The following CSMD1 variants were observed in gnomAD, a reference collection of about 807,000 sequenced individuals.
CSMD1 encodes the protein CUB and sushi domain-containing protein 1.
CSMD1 carries 213 observed loss-of-function variants against 417.5 expected under a neutral mutation model. The observed-to-expected ratio is 0.51, with a 90% CI of 0.46 to 0.57. The LOEUF is 0.57. Ranked by LOEUF, CSMD1 falls within the 20% of genes least tolerant of loss-of-function variation. The probability of loss-of-function intolerance (pLI) is 0.00; values close to 1 mark genes in which losing one functional copy is unlikely to be tolerated. For synonymous variants in CSMD1, 2,862 were observed against 1,736.8 expected (o/e 1.65, Z -16.11); for missense variants, 6,923 against 4,529.7 (o/e 1.53, Z -15.17).
intron 3 of CSMD1, among the ~76,000 whole-genome samples, chr8:4,407,097 G>C (rs1036954165): frequency 6.6e-6 from 1 of 152,138 alleles, no homozygotes; most frequent in African/African-American, 2.4e-5. Flanking sequence ...CTTTCATACT[G>C]TAGCAGCAGA....
intron 12 of CSMD1, among the ~76,000 whole-genome samples, chr8:3,458,168 G>A (rs1334173638): frequency 6.6e-6 from 1 of 152,146 alleles, no homozygotes; most frequent in Non-Finnish European, 1.5e-5. Context: ...TGTAATCTGT[G>A]AGGATACATG....
intron 5 of CSMD1, among the ~76,000 whole-genome samples, chr8:3,853,018 A>G (rs1166551785): frequency 6.6e-6 from 1 of 152,138 alleles, no homozygotes; most frequent in Non-Finnish European, 1.5e-5. Flanking sequence ...CGTCCCCAAC[A>G]TCCAACTACA....
chr8:4,408,335 T>C (rs1272016195), intron 3 of CSMD1, among the ~76,000 whole-genome samples: 1 of 152,090 alleles, frequency 6.6e-6, no homozygotes, highest in African/African-American at 2.4e-5. Flanking sequence ...TAAAACAAAC[T>C]GGGAAGCTGT....
intron 3 of CSMD1, among the ~76,000 whole-genome samples, chr8:4,391,294 C>G (rs1484324136): frequency 3.3e-5 from 5 of 152,212 alleles, no homozygotes; most frequent in African/African-American, 7.2e-5. Flanking sequence ...TAACTCTACC[C>G]TTTCTTCTCT....
At chr8:4,799,941 C>A (rs1390898589) in intron 1 of CSMD1, among the ~76,000 whole-genome samples, 1 of 152,026 alleles carries the variant, frequency 6.6e-6, no homozygotes, top group Non-Finnish European at 1.5e-5. Context: ...GATGCATGTA[C>A]CCTCGAACAT....
chr8:4,440,841 C>G (rs1798426311), intron 2 of CSMD1, among the ~76,000 whole-genome samples: 1 of 151,632 alleles, frequency 6.6e-6, no homozygotes, highest in African/African-American at 2.4e-5. Flanking sequence ...ACTGAAAATA[C>G]AAAAACTTAG....
intron 7 of CSMD1, among the ~76,000 whole-genome samples, chr8:3,647,520 G>C (rs569863016): frequency 2.0e-5 from 3 of 152,214 alleles, no homozygotes; most frequent in South Asian, 2.1e-4. Context: ...GAGAAATATA[G>C]CATAAAGAGA....
intron 1 of CSMD1, among the ~76,000 whole-genome samples, chr8:4,791,083 T>G (rs1055578649): frequency 2.0e-5 from 3 of 147,378 alleles, no homozygotes; most frequent in Admixed American, 6.6e-5. Context: ...AGAGAGACGG[T>G]GAGAGAGACG....
chr8:3,671,008 T>TGG (rs1563256011), intron 7 of CSMD1, among the ~76,000 whole-genome samples: 1 of 42,806 alleles, frequency 2.3e-5, no homozygotes, highest in Non-Finnish European at 4.5e-5. Context: ...ATGTATGGGA[T>TGG]ATATATGTAT....
chr8:3,167,471 T>A (rs1346224940), intron 37 of CSMD1, among the ~76,000 whole-genome samples: 2 of 152,134 alleles, frequency 1.3e-5, no homozygotes, highest in East Asian at 1.9e-4. Context: ...TAAAAACACT[T>A]AAACAAGAAA....
At chr8:4,477,980 A>G (rs1391401048) in intron 2 of CSMD1, among the ~76,000 whole-genome samples, 2 of 152,196 alleles carry the variant, frequency 1.3e-5, no homozygotes, top group Non-Finnish European at 2.9e-5. Flanking sequence ...ATTTCTATCC[A>G]TGCAGAAAAC....
At chr8:3,784,571 T>G (rs112794238) in intron 5 of CSMD1, among the ~76,000 whole-genome samples, 2 of 152,222 alleles carry the variant, frequency 1.3e-5, no homozygotes, top group African/African-American at 4.8e-5. Context: ...ATATTTAAAT[T>G]TCTAATTTAT....
intron 5 of CSMD1, among the ~76,000 whole-genome samples, chr8:3,877,352 G>T (rs552592558): frequency 3.3e-5 from 5 of 152,156 alleles, no homozygotes; most frequent in African/African-American, 4.8e-5. Flanking sequence ...GGAGGCATGT[G>T]CTCTTCCATG....
At chr8:4,199,985 CTA>C (rs1352238595) in intron 3 of CSMD1, among the ~76,000 whole-genome samples, 1 of 152,094 alleles carries the variant, frequency 6.6e-6, no homozygotes, top group African/African-American at 2.4e-5. Context: ...ATAATGGTGA[CTA>C]TTAAAAGTTC....
chr8:3,344,759 C>A (rs939061583), intron 22 of CSMD1, among the ~76,000 whole-genome samples: 4 of 152,052 alleles, frequency 2.6e-5, no homozygotes, highest in Non-Finnish European at 4.4e-5. Flanking sequence ...AATATATAAA[C>A]CCAGGGATGT....
chr8:3,979,646 C>A (rs1373390241), intron 5 of CSMD1, among the ~76,000 whole-genome samples: 1 of 152,150 alleles, frequency 6.6e-6, no homozygotes, highest in African/African-American at 2.4e-5. Flanking sequence ...GCTCTCTCCC[C>A]GCCTTGTGAA....
chr8:3,362,354 C>G (rs1452802561), intron 20 of CSMD1, among the ~76,000 whole-genome samples: 2 of 152,320 alleles, frequency 1.3e-5, no homozygotes, highest in Middle Eastern at 3.4e-3. Flanking sequence ...AATGATCTTA[C>G]CAAAGCCACT....
At chr8:3,722,522 T>C (rs1261353630) in intron 6 of CSMD1, among the ~76,000 whole-genome samples, 2 of 152,148 alleles carry the variant, frequency 1.3e-5, no homozygotes, top group Non-Finnish European at 2.9e-5. Flanking sequence ...ACCTTTGAGT[T>C]TTTCTCTGAT....
At chr8:4,620,332 T>A (rs1348544099) in intron 2 of CSMD1, among the ~76,000 whole-genome samples, 1 of 151,614 alleles carries the variant, frequency 6.6e-6, no homozygotes, top group East Asian at 1.9e-4. Flanking sequence ...CATATATATG[T>A]ATACACATAA....
Sources: gnomAD v4.1 joint callset for allele counts (sites outside exome capture counted in the v4.1 genomes callset) on GRCh38, gnomAD v4.1.1 for gene constraint, MANE v1.5 for transcripts, NCBI Gene and HGNC (gene_info 2026-07-23, HGNC 2026-07-21) for gene names.